The following EPHA6 variants were observed in gnomAD, a reference collection of about 807,000 sequenced individuals.
The protein encoded by EPHA6 is ephrin type-A receptor 6.
EPHA6 carries 50 observed loss-of-function variants against 112.0 expected under a neutral mutation model. That is an observed-to-expected ratio of 0.45 (90% CI 0.36 to 0.56). The LOEUF (loss-of-function observed/expected upper bound fraction) is 0.56. EPHA6 is among the 20% of genes least tolerant of loss of function. EPHA6 has a pLI of 0.00. For synonymous variants in EPHA6, 529 were observed against 490.7 expected (o/e 1.08, Z -1.03); for missense variants, 1,280 against 1,417.4 (o/e 0.90, Z 1.56).
At chr3:96,914,479 A>G (rs2039389279) in intron 2 of EPHA6, among the ~76,000 whole-genome samples, 1 of 152,148 alleles carries the variant, frequency 6.6e-6, no homozygotes, top group Admixed American at 6.6e-5. Context: ...TCTACTTAGT[A>G]TTTTGGTTTT....
At chr3:97,533,787 A>C (rs1328756676) in intron 11 of EPHA6, among the ~76,000 whole-genome samples, 1 of 152,116 alleles carries the variant, frequency 6.6e-6, no homozygotes, top group East Asian at 1.9e-4. Flanking sequence ...ACTCCAAAGA[A>C]GAGAACTGAG....
Position 97,043,839 on chromosome 3 carries a change from C to G in EPHA6, c.1114+55846C>G, listed in dbSNP as rs113535075. 5.3e-3 allele frequency among the ~76,000 whole-genome samples: 809 copies of G among 152,266 alleles called. 6 individuals carry two copies. Among genetic ancestry groups the G allele is most frequent in the African/African-American group, 0.018 (730 of 41,556 alleles). The stretch of plus-strand genomic sequence containing the variant: ...TCAGCACACTGAGGTCCTAATGCCT[C>G]TATTTATTGCTACAAGTGATTGACC... On this transcript the variant is annotated intron_variant, in intron 3 of 17. Transcript: ENST00000389672.
At chr3:97,687,913 G>T (rs555896240) in intron 14 of EPHA6, among the ~76,000 whole-genome samples, 2 of 152,142 alleles carry the variant, frequency 1.3e-5, no homozygotes, top group South Asian at 4.1e-4. Flanking sequence ...GGGCAAGAAT[G>T]CCAGAGTGAT....
intron 3 of EPHA6, among the ~76,000 whole-genome samples, chr3:97,014,187 A>C (rs115311674): frequency 6.6e-6 from 1 of 152,292 alleles, no homozygotes; most frequent in East Asian, 1.9e-4. Context: ...AGAGCGATAG[A>C]TAGGTCAATA....
intron 2 of EPHA6, among the ~76,000 whole-genome samples, chr3:96,934,141 A>G (rs991821209): frequency 6.6e-6 from 1 of 152,004 alleles, no homozygotes; most frequent in African/African-American, 2.4e-5. Context: ...TTCTATTCAC[A>G]GGGGCAAGTA....
intron 5 of EPHA6, among the ~76,000 whole-genome samples, chr3:97,356,094 G>C (rs575466450): frequency 3.2e-4 from 48 of 152,276 alleles, no homozygotes; most frequent in Admixed American, 2.0e-3. Context: ...TACTGCCTGA[G>C]CTCTGCCTCC....
At chr3:96,951,986 T>C (rs2041559574) in intron 2 of EPHA6, among the ~76,000 whole-genome samples, 1 of 152,120 alleles carries the variant, frequency 6.6e-6, no homozygotes, top group Admixed American at 6.6e-5. Context: ...GAAACTATGG[T>C]GTACTTGGTT....
intron 14 of EPHA6, 37 bp downstream of exon 14, chr3:97,638,119 A>G: frequency 6.8e-7 from 1 of 1,473,636 alleles, no homozygotes; most frequent in Middle Eastern, 2.3e-4. Flanking sequence ...TAGTCTGTTT[A>G]CTTTTATTGT....
At chr3:97,208,186 G>A (rs902595900) in intron 3 of EPHA6, among the ~76,000 whole-genome samples, 8 of 152,076 alleles carry the variant, frequency 5.3e-5, no homozygotes, top group African/African-American at 1.4e-4. Flanking sequence ...TCCAAACCAT[G>A]CTGAATCGAT....
intron 2 of EPHA6, among the ~76,000 whole-genome samples, chr3:96,879,462 G>A (rs530275067): frequency 5.7e-4 from 86 of 152,200 alleles, no homozygotes; most frequent in Non-Finnish European, 8.8e-4. Context: ...GAAGGTACAG[G>A]GGAGGGAAAA....
At chr3:97,363,708 G>A (rs749050464) in intron 5 of EPHA6, among the ~76,000 whole-genome samples, 5 of 151,872 alleles carry the variant, frequency 3.3e-5, no homozygotes, top group Non-Finnish European at 7.4e-5. Context: ...GTGTACCAGT[G>A]TTTGTAACAC....
chr3:96,940,902 T>C (rs747315207), intron 2 of EPHA6, among the ~76,000 whole-genome samples: 3 of 152,200 alleles, frequency 2.0e-5, no homozygotes, highest in Non-Finnish European at 4.4e-5. Context: ...AAAATTCTTT[T>C]CTTTAAGAAT....
chr3:97,530,212 A>G (rs1257244411), intron 10 of EPHA6, among the ~76,000 whole-genome samples: 1 of 152,062 alleles, frequency 6.6e-6, no homozygotes, highest in African/African-American at 2.4e-5. Context: ...ATTAGTGTAA[A>G]CACACATACC....
intron 5 of EPHA6, among the ~76,000 whole-genome samples, chr3:97,264,167 GC>G (rs1394265191): frequency 1.3e-5 from 2 of 152,166 alleles, no homozygotes; most frequent in Admixed American, 6.5e-5. Flanking sequence ...TGGTGCCTTT[GC>G]CCAAGTTTTG....
At chr3:97,470,730 G>C (rs1577500500) in intron 7 of EPHA6, among the ~76,000 whole-genome samples, 1 of 151,474 alleles carries the variant, frequency 6.6e-6, no homozygotes, top group Middle Eastern at 3.4e-3. Context: ...TATGCCAAAC[G>C]CTGTTGCTCA....
At chr3:97,141,503 G>T (rs1003207719) in intron 3 of EPHA6, among the ~76,000 whole-genome samples, 2 of 151,966 alleles carry the variant, frequency 1.3e-5, no homozygotes, top group African/African-American at 2.4e-5. Context: ...GACCATGGTG[G>T]AATAAAATTA....
chr3:97,516,614 G>T lies in EPHA6; in HGVS notation c.2201-15744G>T. ...AATTTACTTTAAGACTTCAAGAGAC[G>T]AATACACATCCGTCTAGAACTGAAT... On this transcript the variant is annotated intron_variant, in intron 10 of 17. Transcript: ENST00000389672. 5.9e-5 allele frequency among the ~76,000 whole-genome samples: 9 copies of T among 152,162 alleles called. 1 individual carries two copies. In the South Asian group the frequency reaches 1.9e-3, roughly 32 times the overall value.
At chr3:97,407,088 A>C (rs2087398201) in intron 6 of EPHA6, among the ~76,000 whole-genome samples, 1 of 152,114 alleles carries the variant, frequency 6.6e-6, no homozygotes, top group Admixed American at 6.6e-5. Flanking sequence ...TTTGAGGATG[A>C]AAATGACTTG....
intron 2 of EPHA6, among the ~76,000 whole-genome samples, chr3:96,959,224 T>C (rs1227165287): frequency 6.6e-6 from 1 of 152,214 alleles, no homozygotes; most frequent in Non-Finnish European, 1.5e-5. Context: ...AGTGGTTTTA[T>C]ATTTTGGTTT....
Sources: allele counts gnomAD v4.1 joint callset (sites outside exome capture counted in the v4.1 genomes callset), GRCh38; gene constraint gnomAD v4.1.1; transcripts MANE v1.5; gene names NCBI Gene and HGNC (gene_info 2026-07-23, HGNC 2026-07-21).